Variants in SEM1 observed in about 807,000 individuals in gnomAD.
The protein encoded by SEM1 is SEM1 26S proteasome subunit.
SEM1 carries 3 observed loss-of-function variants against 12.7 expected under a neutral mutation model. The ratio of observed to expected loss-of-function variants is 0.24; its 90% CI spans 0.11 to 0.61. SEM1 has a LOEUF of 0.61. SEM1 is among the 20% of genes least tolerant of loss of function. The pLI is 0.88. For synonymous variants in SEM1, 30 were observed against 27.8 expected (o/e 1.08, Z -0.25); for missense variants, 59 against 81.3 (o/e 0.73, Z 1.06).
intron 2 of SEM1, among the ~76,000 whole-genome samples, chr7:96,657,579 T>C (rs1809220328): frequency 1.3e-5 from 2 of 152,120 alleles, no homozygotes; most frequent in South Asian, 4.2e-4. Context: ...ACAGAAGGAA[T>C]TGCAAATTCC....
intron 2 of SEM1, among the ~76,000 whole-genome samples, chr7:96,653,101 A>G (rs1369065693): frequency 2.6e-5 from 4 of 152,240 alleles, no homozygotes; most frequent in Non-Finnish European, 5.9e-5. Flanking sequence ...TGTAGGCACC[A>G]GAGATGTAAA....
chr7:96,500,985 C>A (rs1317727725), upstream of SEM1, among the ~76,000 whole-genome samples: 1 of 151,240 alleles, frequency 6.6e-6, no homozygotes, highest in African/African-American at 2.5e-5. Flanking sequence ...AAAAAGTCTG[C>A]CTCTTATTAT....
intron 2 of SEM1, among the ~76,000 whole-genome samples, chr7:96,525,949 A>G (rs1047210490): frequency 2.0e-5 from 3 of 152,090 alleles, no homozygotes; most frequent in African/African-American, 4.8e-5. Context: ...CCTGGTGCCA[A>G]AAAGGTTGGG....
At chr7:96,555,040 G>T (rs1805435212) in intron 2 of SEM1, among the ~76,000 whole-genome samples, 1 of 150,072 alleles carries the variant, frequency 6.7e-6, no homozygotes, top group Non-Finnish European at 1.5e-5. Context: ...GATTGGTGGT[G>T]ATATCCCCTT....
rs185903592 is a variant in SEM1, at chr7:96,604,391, G to C, written c.170+90407C>G. ...TTGCCCCCTTTCATCAACATCAGTAGGTTGATAACCTCTGATGTCCCTAGT... is the reference window on the plus strand; with the variant it reads ...TTGCCCCCTTTCATCAACATCAGTACGTTGATAACCTCTGATGTCCCTAGT... On this transcript the variant is annotated intron_variant and NMD_transcript_variant, in intron 2 of 3. Coordinates refer to the SEM1 transcript ENST00000466986. 2.0e-5 allele frequency among the ~76,000 whole-genome samples: 3 copies of C among 152,168 alleles called. No homozygotes were observed. In the East Asian group the frequency reaches 5.8e-4, roughly 29 times the overall value.
intron 2 of SEM1, among the ~76,000 whole-genome samples, chr7:96,614,829 T>G (rs1366687532): frequency 1.3e-5 from 2 of 152,138 alleles, no homozygotes; most frequent in African/African-American, 4.8e-5. Context: ...ATATATGTCA[T>G]GTGCACACAT....
rs919926103 is a variant in SEM1, at chr7:96,603,687, G to A, written c.170+91111C>T. Among the ~76,000 whole-genome samples, 55 of 152,004 alleles carry A rather than the reference G, an allele frequency of 3.6e-4. 1 individual carries two copies. Among genetic ancestry groups the A allele is most frequent in the Non-Finnish European group, 3.2e-4 (22 of 68,000 alleles). Reference sequence around the variant, plus strand: ...CTGATATCTTGAGCAATTGGTAAATGGTTCCTATAGCAACAGTCACCAAGT... The same window carrying A: ...CTGATATCTTGAGCAATTGGTAAATAGTTCCTATAGCAACAGTCACCAAGT... On this transcript the variant is annotated intron_variant and NMD_transcript_variant, in intron 2 of 3. Coordinates refer to the SEM1 transcript ENST00000466986.
chr7:96,548,890 GGGGTT>G (rs1805182058), intron 2 of SEM1, among the ~76,000 whole-genome samples: 1 of 152,132 alleles, frequency 6.6e-6, no homozygotes, highest in Non-Finnish European at 1.5e-5. Flanking sequence ...ATAATCCCAT[GGGGTT>G]TACTCAGAAC....
At chr7:96,524,874 C>T (rs1250160712) in intron 2 of SEM1, among the ~76,000 whole-genome samples, 4 of 152,024 alleles carry the variant, frequency 2.6e-5, no homozygotes, top group East Asian at 1.9e-4. Flanking sequence ...CCAAGTTGTT[C>T]GAAGCATACT....
chr7:96,509,368 C>G (rs1053648494), intron 2 of SEM1, among the ~76,000 whole-genome samples: 1 of 151,910 alleles, frequency 6.6e-6, no homozygotes, highest in African/African-American at 2.4e-5. Context: ...CCATTTACAT[C>G]GCTTAGATTT....
intron 2 of SEM1, among the ~76,000 whole-genome samples, chr7:96,521,907 G>A (rs1804285341): frequency 6.6e-6 from 1 of 152,080 alleles, no homozygotes; most frequent in Non-Finnish European, 1.5e-5. Context: ...AATGTGTCCA[G>A]ATGGCCCTTA....
intron 2 of SEM1, among the ~76,000 whole-genome samples, chr7:96,518,124 C>T (rs989354059): frequency 4.6e-5 from 7 of 152,118 alleles, no homozygotes; most frequent in Admixed American, 3.3e-4. Flanking sequence ...TCACAGTTTA[C>T]GTAATCTGCA....
At chr7:96,488,615 A>G (rs1352398163) in intron 1 of SEM1, among the ~76,000 whole-genome samples, 1 of 152,090 alleles carries the variant, frequency 6.6e-6, no homozygotes, top group African/African-American at 2.4e-5. Context: ...GGAAACAAAT[A>G]AAAATATTTA....
rs1808556239 is a variant in SEM1 at position 96,640,417 on chromosome 7, A to G, written c.171-17774T>C. Reference sequence around the variant, plus strand: ...CTAAAAAGAAATGAGCTACCAAGCCATGAAAAGACAAAGAGAAAACTTAGG... The same window carrying G: ...CTAAAAAGAAATGAGCTACCAAGCCGTGAAAAGACAAAGAGAAAACTTAGG... On this transcript the variant is annotated intron_variant, in intron 2 of 2. Coordinates refer to the SEM1 transcript ENST00000417009. The surrounding 1 kb of genome is among the most constrained non-coding windows in gnomAD (Gnocchi z 4.0). 6.6e-6 allele frequency among the ~76,000 whole-genome samples: 1 copy of G among 152,040 alleles called. No individual in the cohort carries two copies. Among genetic ancestry groups the G allele is most frequent in the Admixed American group, 6.6e-5 (1 of 15,226 alleles).
chr7:96,558,551 G>T (rs1250231128), intron 2 of SEM1, among the ~76,000 whole-genome samples: 2 of 152,134 alleles, frequency 1.3e-5, no homozygotes, highest in African/African-American at 4.8e-5. Flanking sequence ...AGTTAAAGAA[G>T]AGAATGAAGA....
chr7:96,655,429 T>C (rs796425222), intron 2 of SEM1, among the ~76,000 whole-genome samples: 13 of 149,462 alleles, frequency 8.7e-5, no homozygotes, highest in African/African-American at 3.2e-4. Flanking sequence ...TGACATAAAA[T>C]CAATGCAAAT....
chr7:96,599,402 C>T (rs1807119071), intron 2 of SEM1, among the ~76,000 whole-genome samples: 1 of 152,148 alleles, frequency 6.6e-6, no homozygotes, highest in Non-Finnish European at 1.5e-5. Flanking sequence ...TCCCTGCCAA[C>T]ATATTTACCT....
At chr7:96,612,724 C>T (rs1262717104) in intron 2 of SEM1, among the ~76,000 whole-genome samples, 1 of 152,180 alleles carries the variant, frequency 6.6e-6, no homozygotes, top group Non-Finnish European at 1.5e-5. Context: ...CAAGCTCTGC[C>T]TCCTGGGTTC....
chr7:96,578,904 G>T (rs988785103), intron 2 of SEM1, among the ~76,000 whole-genome samples: 1 of 152,054 alleles, frequency 6.6e-6, no homozygotes, highest in African/African-American at 2.4e-5. Flanking sequence ...TCATTTTATG[G>T]ATACAATTAT....
Sources: allele counts gnomAD v4.1 joint callset (sites outside exome capture counted in the v4.1 genomes callset), GRCh38; gene constraint gnomAD v4.1.1; non-coding constraint Gnocchi (gnomAD v3.1); transcripts MANE v1.5; gene names NCBI Gene and HGNC (gene_info 2026-07-23, HGNC 2026-07-21).